CHD6: variants seen among roughly 807,000 people sequenced by gnomAD.
CHD6 encodes ATP-dependent chromatin remodeler CHD6.
A neutral mutation model predicts 276.9 loss-of-function variants in CHD6; 50 were observed. The observed-to-expected ratio is 0.18, with a 90% confidence interval of 0.14 to 0.23. CHD6 has a LOEUF of 0.23. Ranked by LOEUF, CHD6 falls within the 10% of genes least tolerant of loss-of-function variation. The probability of loss-of-function intolerance (pLI) is 1.00; values close to 1 mark genes in which losing one functional copy is unlikely to be tolerated. For missense variants in CHD6, 2,564 were observed against 3,365.8 expected, an observed-to-expected ratio of 0.76 and a Z score of 5.89; for synonymous variants, 1,173 against 1,229.3, an observed-to-expected ratio of 0.95 and a Z score of 0.96.
chr20:41,595,860 T>C (rs1370219161), intron 1 of CHD6, among the ~76,000 whole-genome samples: 1 of 152,004 alleles, frequency 6.6e-6, no homozygotes, highest in African/African-American at 2.4e-5. Context: ...TAATAGAATA[T>C]GTCAATGACA....
rs151226850 is a variant in CHD6, at chr20:41,461,789, G to A, written c.2665-4361C>T. 2.8e-3 allele frequency: 430 copies of A among 152,550 alleles called. 2 individuals are homozygous for A. Among genetic ancestry groups the A allele is most frequent in the African/African-American group, 9.7e-3 (402 of 41,546 alleles). The allele number at this position is 152,550 out of a possible 1,614,324, so 9.4% of individuals were successfully genotyped here. Reference sequence around the variant, plus strand: ...AGACTCAACAATCCTGGTCACTTCCGGGGAGACCCAGACCCCACTGAGGAA... The same window carrying A: ...AGACTCAACAATCCTGGTCACTTCCAGGGAGACCCAGACCCCACTGAGGAA... On this transcript the variant is annotated intron_variant, in intron 17 of 36. Coordinates refer to ENST00000373233, the MANE Select transcript of CHD6 (RefSeq NM_032221.5).
At chr20:41,482,301 C>T (rs1185902579) in intron 16 of CHD6, among the ~76,000 whole-genome samples, 1 of 152,148 alleles carries the variant, frequency 6.6e-6, no homozygotes, top group African/African-American at 2.4e-5. Flanking sequence ...TCATGTAATA[C>T]AAGTCTCAAG....
chr20:41,530,330 A>G (rs1186043127), intron 3 of CHD6, among the ~76,000 whole-genome samples: 4 of 152,210 alleles, frequency 2.6e-5, no homozygotes, highest in Non-Finnish European at 4.4e-5. Flanking sequence ...CAGAAAGACT[A>G]GCCAGGTGGC....
intron 1 of CHD6, among the ~76,000 whole-genome samples, chr20:41,618,121 C>A (rs1014192773): frequency 3.3e-5 from 5 of 149,678 alleles, no homozygotes; most frequent in Non-Finnish European, 7.5e-5. Flanking sequence ...GCCCCTCTCC[C>A]CAGGCCGCAG....
chr20:41,421,296 A>C lies in CHD6; in HGVS notation c.5339T>G (p.Leu1780Trp), dbSNP rs1191715213. ...CCCTTCCTTTGAAATAGACATCAAC[A>C]AATGTTTTCCATTTTTGATGTTTGC... ...AQANIKNGKH[L>W]LMSISKEGEL... Residue 1780 changes from leucine (L) to tryptophan (W), a missense_variant, in exon 31 of 37, where the codon TTG becomes TGG. Physicochemically the swap from Leu to Trp is moderately conservative, Grantham distance 61. Around this residue, in one of 7 missense-constraint regions of CHD6, gnomAD observed 1,024 missense variants for 1,047.9 expected, o/e 0.98. Transcript: ENST00000373233. 1 of 1,614,134 alleles carries C rather than the reference A, an allele frequency of 6.2e-7. No individual in the cohort carries two copies. The highest frequency in any genetic ancestry group is 8.5e-7 in the Non-Finnish European group (1 of 1,180,024).
chr20:41,512,217 G>A (rs1021314167), intron 5 of CHD6, among the ~76,000 whole-genome samples: 5 of 151,590 alleles, frequency 3.3e-5, no homozygotes, highest in Middle Eastern at 6.8e-3. Context: ...TGCCTGCCTC[G>A]GACTCCCAAA....
At position 41,407,005 on chromosome 20, in the gene CHD6, A is replaced by C. The variant is rs1020293982; in HGVS notation, c.7252-1516T>G. Among the ~76,000 whole-genome samples, 348 of 152,272 alleles carry C rather than the reference A, an allele frequency of 2.3e-3. 1 individual carries two copies. The highest frequency in any genetic ancestry group is 7.8e-3 in the African/African-American group (323 of 41,562). The stretch of plus-strand genomic sequence containing the variant: ...CTTCCCTTTGATTACAGCAATGGTG[A>C]AGCAAAATGTTCAGAGTGGCTTCAA... On this transcript the variant is annotated intron_variant, in intron 36 of 36. Transcript: ENST00000373233.
Position 41,403,292 on chromosome 20 carries a change from T to C in CHD6, c.*1301A>G. ...CAGAGTACTGAACCATGAGCTTACT[T>C]CAAGTCTCAGAGTGTGAACTACCTG... On this transcript the variant is annotated 3_prime_UTR_variant, in exon 37 of 37. Transcript: ENST00000373233. 1 of 1,063,088 alleles carries C rather than the reference T, an allele frequency of 9.4e-7. No individual in the cohort carries two copies. The highest frequency in any genetic ancestry group is 4.6e-5 in the South Asian group (1 of 21,970). 65.9% of individuals were successfully genotyped at this position (1,063,088 alleles called of 1,614,324 possible).
At chr20:41,524,600 CAG>C (rs1398222475) in intron 3 of CHD6, among the ~76,000 whole-genome samples, 2 of 152,192 alleles carry the variant, frequency 1.3e-5, no homozygotes, top group African/African-American at 4.8e-5. Context: ...ACCAAATCCC[CAG>C]AGAGGATCAC....
chr20:41,515,327 C>T (rs1294383730), intron 3 of CHD6, among the ~76,000 whole-genome samples: 1 of 152,258 alleles, frequency 6.6e-6, no homozygotes, highest in East Asian at 1.9e-4. Flanking sequence ...GAGACATCTC[C>T]CTAATCTGTC....
chr20:41,601,684 C>G (rs150101831), intron 1 of CHD6, among the ~76,000 whole-genome samples: 14 of 152,270 alleles, frequency 9.2e-5, no homozygotes, highest in African/African-American at 3.4e-4. Flanking sequence ...CTGTGCAACC[C>G]CAAACAAGTT....
intron 2 of CHD6, among the ~76,000 whole-genome samples, chr20:41,549,117 A>G (rs2045102701): frequency 6.6e-6 from 1 of 151,786 alleles, no homozygotes; most frequent in African/African-American, 2.4e-5. Flanking sequence ...TAGAAATACC[A>G]TTTGACCCAG....
chr20:41,556,833 A>C (rs865870769), intron 1 of CHD6, among the ~76,000 whole-genome samples: 6 of 152,210 alleles, frequency 3.9e-5, no homozygotes, highest in Non-Finnish European at 5.9e-5. Flanking sequence ...AACACCCTTA[A>C]ATTATCTCTA....
In CHD6 at chr20:41,479,060, C is replaced by T. The variant is rs956265119; in HGVS notation, c.2468+4249G>A. Among the ~76,000 whole-genome samples the T allele has an allele frequency of 3.3e-5, 5 of 151,924 alleles. 1 individual carries two copies. Among genetic ancestry groups the T allele is most frequent in the African/African-American group, 1.2e-4 (5 of 41,428 alleles). On this transcript the variant is annotated intron_variant, in intron 16 of 36. Coordinates refer to ENST00000373233, the MANE Select transcript of CHD6 (RefSeq NM_032221.5). ...ATAGAACCAAATGGAAATTTTAGAA[C>T]TAATAAATAAAGCATAGAGTGTGCT...
chr20:41,599,177 A>G (rs1321712863), intron 1 of CHD6, among the ~76,000 whole-genome samples: 1 of 152,232 alleles, frequency 6.6e-6, no homozygotes, highest in Non-Finnish European at 1.5e-5. Flanking sequence ...CTGAACAATT[A>G]GGTCCTAACA....
chr20:41,405,478 T>A lies in CHD6; in HGVS notation c.7263A>T (p.Pro2421=). 1 of 1,550,586 alleles carries A rather than the reference T, an allele frequency of 6.4e-7. No individual in the cohort carries two copies. Among genetic ancestry groups the A allele is most frequent in the Non-Finnish European group, 8.7e-7 (1 of 1,150,314 alleles). ...CCAGAGTGTGATTGAACTTGTTTTC[T>A]GGAAGAAACCCCTGGAAAAACAAAG... is the stretch of plus-strand genomic sequence containing the variant. ...PKEPGLRGFL[P]ENKFNHTLAE... is the part of the protein sequence containing the mutation. Residue 2421 remains proline (P), a synonymous_variant, in exon 37 of 37, where the codon CCA becomes CCT. Transcript: ENST00000373233.
rs763236874 is a variant in CHD6 at position 41,473,491 on chromosome 20, C to T, written c.2495G>A (p.Arg832Gln). The T allele has an allele frequency of 5.6e-6, 9 of 1,613,988 alleles. No homozygotes were observed. Among genetic ancestry groups the T allele is most frequent in the African/African-American group, 5.3e-5 (4 of 74,922 alleles). Reference protein sequence around the residue: ...RRYTYERIDGRVRGNLRQAAI... With the variant: ...RRYTYERIDGQVRGNLRQAAI... ...TGCCTGGCGCAGGTTTCCCCGTACT[C>T]GCCCATCAATTCGCTCATAGGTGTA... Residue 832 changes from arginine (R) to glutamine (Q), a missense_variant, in exon 17 of 37, where the codon CGA becomes CAA. Physicochemically the swap from Arg to Gln is conservative, Grantham distance 43. This residue lies in a region of CHD6 where 457 missense variants were observed against 889.0 expected (regional missense o/e 0.51). Coordinates refer to ENST00000373233, the MANE Select transcript of CHD6 (RefSeq NM_032221.5). This position sits in a 1 kb window ranked among gnomAD's most constrained non-coding sequence, Gnocchi z 4.1.
chr20:41,550,016 G>A (rs937353686), intron 2 of CHD6, among the ~76,000 whole-genome samples: 2 of 152,166 alleles, frequency 1.3e-5, no homozygotes, highest in Admixed American at 1.3e-4. Context: ...GGCCAGGCTG[G>A]TCTCAAACTC....
At chr20:41,420,090 G>A (rs753487030) in intron 31 of CHD6, among the ~76,000 whole-genome samples, 1 of 152,122 alleles carries the variant, frequency 6.6e-6, no homozygotes, top group Non-Finnish European at 1.5e-5. Context: ...AAATTTATTT[G>A]TATTTTTGTT....
Sources: gnomAD v4.1 joint callset for allele counts (sites outside exome capture counted in the v4.1 genomes callset) on GRCh38, gnomAD v4.1.1 for gene constraint, gnomAD v4.1.1 regional missense constraint, Gnocchi (gnomAD v3.1) non-coding constraint, MANE v1.5 for transcripts, NCBI Gene and HGNC (gene_info 2026-07-23, HGNC 2026-07-21) for gene names.